Variants in SBF2 observed in about 807,000 individuals in gnomAD.
SBF2 encodes the protein myotubularin-related protein 13.
In SBF2, 112 loss-of-function variants were observed where a neutral mutation model predicts 225.2. The ratio of observed to expected loss-of-function variants is 0.50; its 90% CI spans 0.43 to 0.58. The LOEUF is 0.58. SBF2 is among the 20% of genes least tolerant of loss of function. The pLI is 0.00. For missense variants in SBF2, 1,996 were observed against 2,206.2 expected (o/e 0.90, Z 1.91); for synonymous variants, 763 against 773.3 (o/e 0.99, Z 0.22).
At chr11:9,785,558 C>T (rs1852316860) in intron 36 of SBF2, among the ~76,000 whole-genome samples, 1 of 152,140 alleles carries the variant, frequency 6.6e-6, no homozygotes, top group Admixed American at 6.5e-5. Context: ...TCTAGACAGC[C>T]ATTAAAAAAT....
upstream of SBF2, among the ~76,000 whole-genome samples, chr11:10,297,166 T>G (rs1038538459): frequency 6.6e-6 from 1 of 152,154 alleles, no homozygotes; most frequent in Non-Finnish European, 1.5e-5. Context: ...TTTCATTTTC[T>G]TTTTAAAATT....
chr11:9,995,906 C>T (rs943123332), intron 9 of SBF2, among the ~76,000 whole-genome samples: 1 of 151,650 alleles, frequency 6.6e-6, no homozygotes, highest in African/African-American at 2.4e-5. Context: ...ATGATCCGCC[C>T]GCCTCAGTCT....
chr11:10,051,436 C>T (rs1381600492), intron 2 of SBF2, among the ~76,000 whole-genome samples: 4 of 151,858 alleles, frequency 2.6e-5, no homozygotes, highest in Admixed American at 6.6e-5. Flanking sequence ...TGGGAAATTC[C>T]AAGGATCAAT....
At chr11:10,248,966 G>A (rs1960067605) in intron 1 of SBF2, among the ~76,000 whole-genome samples, 1 of 151,970 alleles carries the variant, frequency 6.6e-6, no homozygotes, top group African/African-American at 2.4e-5. Context: ...GGTGGTGGCG[G>A]GAGCCTGTAG....
chr11:9,912,478 G>A (rs1030637281), intron 16 of SBF2, among the ~76,000 whole-genome samples: 1 of 151,776 alleles, frequency 6.6e-6, no homozygotes, highest in Non-Finnish European at 1.5e-5. Flanking sequence ...TCAGCTACTT[G>A]GGAGGCTGAG....
chr11:9,791,822 G>A (rs1852760141), intron 33 of SBF2, among the ~76,000 whole-genome samples: 1 of 152,216 alleles, frequency 6.6e-6, no homozygotes, highest in African/African-American at 2.4e-5. Context: ...TAGGCTCTAG[G>A]CACCTTTGTA....
intron 3 of SBF2, among the ~76,000 whole-genome samples, chr11:10,038,333 T>C (rs992290194): frequency 6.6e-6 from 1 of 151,960 alleles, no homozygotes; most frequent in Non-Finnish European, 1.5e-5. Flanking sequence ...TTAAATAAAA[T>C]AGAATGAAAT....
chr11:10,173,468 C>T (rs1339729235), intron 2 of SBF2, among the ~76,000 whole-genome samples: 3 of 152,232 alleles, frequency 2.0e-5, no homozygotes, highest in Non-Finnish European at 1.5e-5. Context: ...TAAAAAACGC[C>T]GCACCAGGAG....
intron 25 of SBF2, among the ~76,000 whole-genome samples, 196 bp downstream of exon 25, chr11:9,842,429 T>C (rs1162798554): frequency 6.6e-6 from 1 of 152,222 alleles, no homozygotes; most frequent in Non-Finnish European, 1.5e-5. Flanking sequence ...AGAAGTATAA[T>C]TTAACAAAAT....
intron 17 of SBF2, among the ~76,000 whole-genome samples, chr11:9,888,841 G>A (rs1590341045): frequency 1.3e-5 from 2 of 152,220 alleles, no homozygotes; most frequent in African/African-American, 4.8e-5. Context: ...TAGCTAGGTA[G>A]TATAGATTCT....
intron 1 of SBF2, among the ~76,000 whole-genome samples, chr11:10,241,115 C>T (rs1002650756): frequency 6.6e-6 from 1 of 152,104 alleles, no homozygotes. Context: ...TTTTGGGATG[C>T]AGAGGAAGGG....
At chr11:10,035,313 AG>A (rs1184094078) in intron 3 of SBF2, among the ~76,000 whole-genome samples, 2 of 152,154 alleles carry the variant, frequency 1.3e-5, no homozygotes, top group African/African-American at 4.8e-5. Context: ...TAAAAACCCT[AG>A]AAGAAAACCT....
At chr11:9,886,699 G>GTTTTTTTTTTTTTTTTT (rs61240594) in intron 17 of SBF2, among the ~76,000 whole-genome samples, 1 of 133,740 alleles carries the variant, frequency 7.5e-6, no homozygotes, top group Non-Finnish European at 1.6e-5. Flanking sequence ...TGATTCATGT[G>GTTTTTTTTTTTTTTTTT]TTTTTTTTTT....
chr11:9,822,965 A>G (rs1590160665), intron 28 of SBF2, among the ~76,000 whole-genome samples: 1 of 152,224 alleles, frequency 6.6e-6, no homozygotes, highest in Admixed American at 6.5e-5. Context: ...TTAAATACAT[A>G]TCCTGGAGGT....
chr11:9,933,631 A>C (rs1590514071), intron 16 of SBF2, among the ~76,000 whole-genome samples: 1 of 152,244 alleles, frequency 6.6e-6, no homozygotes, highest in East Asian at 1.9e-4. Context: ...GACACAACGT[A>C]TCAGAATCTC....
intron 16 of SBF2, among the ~76,000 whole-genome samples, chr11:9,917,045 T>C (rs1417428919): frequency 6.8e-6 from 1 of 148,010 alleles, no homozygotes; most frequent in Non-Finnish European, 1.5e-5. Flanking sequence ...TACACATGTG[T>C]TCTTTTTTTT....
intron 2 of SBF2, among the ~76,000 whole-genome samples, chr11:10,152,564 G>T (rs568814333): frequency 6.6e-6 from 1 of 151,274 alleles, no homozygotes; most frequent in Non-Finnish European, 1.5e-5. Context: ...AAAAAAAGAA[G>T]AAGAAAAGAA....
chr11:9,844,846 A>T (rs752641225), intron 24 of SBF2, among the ~76,000 whole-genome samples: 58 of 152,216 alleles, frequency 3.8e-4, no homozygotes, highest in Non-Finnish European at 7.1e-4. Flanking sequence ...ACCATGGCAC[A>T]TGTATACCTA....
intron 2 of SBF2, among the ~76,000 whole-genome samples, chr11:10,175,038 T>C (rs1203986087): frequency 6.6e-6 from 1 of 152,054 alleles, no homozygotes; most frequent in African/African-American, 2.4e-5. Context: ...GAACGACCGA[T>C]ACCAGCCGCT....
Sources: allele counts gnomAD v4.1 joint callset (sites outside exome capture counted in the v4.1 genomes callset), GRCh38; gene constraint gnomAD v4.1.1; transcripts MANE v1.5; gene names NCBI Gene and HGNC (gene_info 2026-07-23, HGNC 2026-07-21).